ABCC8: variants seen among roughly 807,000 people sequenced by gnomAD.
The protein encoded by ABCC8 is ATP binding cassette subfamily C member 8, also known as ATP-binding cassette sub-family C member 8.
A neutral mutation model predicts 188.0 loss-of-function variants in ABCC8; 137 were observed. The ratio of observed to expected loss-of-function variants is 0.73; its 90% CI spans 0.63 to 0.84. The LOEUF is 0.84. ABCC8 is among the 40% of genes least tolerant of loss of function. The pLI is 0.00. For synonymous variants in ABCC8, 797 were observed against 846.5 expected (o/e 0.94, Z 1.01); for missense variants, 1,750 against 2,072.7 (o/e 0.84, Z 3.02).
Position 17,401,388 on chromosome 11 carries a change from C to T in ABCC8, c.3650+1273G>A, listed in dbSNP as rs530273520. ...GAGCAGCGCCAAGGCCAGGGCAGAG[C>T]TTTGCTCTGCTCTTCTTTACTTAGA... On this transcript the variant is annotated intron_variant, in intron 29 of 38. Coordinates refer to ENST00000389817, the MANE Select transcript of ABCC8 (RefSeq NM_000352.6). Among the ~76,000 whole-genome samples, 4 of 152,308 alleles carry T rather than the reference C, an allele frequency of 2.6e-5. No individual in the cohort carries two copies. In the East Asian group the frequency reaches 7.7e-4, roughly 29 times the overall value.
chr11:17,445,321 G>A (rs1158338573), intron 8 of ABCC8, among the ~76,000 whole-genome samples: 1 of 120,590 alleles, frequency 8.3e-6, no homozygotes, highest in Non-Finnish European at 1.9e-5. Context: ...CCAAGGGCTG[G>A]GGGCGAAGAT....
chr11:17,404,373 C>G lies in ABCC8; in HGVS notation c.3557+139G>C. 1.2e-5 allele frequency: 11 copies of G among 898,024 alleles called. No individual in the cohort carries two copies. The highest frequency in any genetic ancestry group is 2.0e-5 in the Non-Finnish European group (11 of 541,424). 55.6% of individuals were successfully genotyped at this position (898,024 alleles called of 1,614,324 possible). ...GCGGTGGAATAAGATGTGGATATTT[C>G]TATTTCCTTCATTTCTGTTTTTTGT... On this transcript the variant is annotated intron_variant, in intron 28 of 38. Coordinates refer to ENST00000389817, the MANE Select transcript of ABCC8 (RefSeq NM_000352.6). This position sits in a 1 kb window ranked among gnomAD's most constrained non-coding sequence, Gnocchi z 4.7.
intron 10 of ABCC8, among the ~76,000 whole-genome samples, chr11:17,432,516 A>C (rs1955895052): frequency 1.3e-5 from 2 of 152,154 alleles, no homozygotes; most frequent in African/African-American, 4.8e-5. Context: ...GCCCCACGGG[A>C]AAGTGGTGGG....
chr11:17,411,735 C>A (rs1954813652), intron 21 of ABCC8, among the ~76,000 whole-genome samples: 1 of 152,110 alleles, frequency 6.6e-6, no homozygotes, highest in Non-Finnish European at 1.5e-5. Context: ...TGGATTTGAA[C>A]CGGGCTGGGC....
Position 17,463,616 on chromosome 11 carries a change from A to G in ABCC8, c.413-12T>C. 1.9e-6 allele frequency: 3 copies of G among 1,566,186 alleles called. No individual in the cohort carries two copies. The highest frequency in any genetic ancestry group is 2.6e-6 in the Non-Finnish European group (3 of 1,154,968). ...ATACACCAGCAGGGCTGCCGAGGAG[A>G]GATGGAAGATCGCAGAGACGTGTGT... On this transcript the variant is annotated splice_polypyrimidine_tract_variant and intron_variant, in intron 3 of 38. Coordinates refer to ENST00000389817, the MANE Select transcript of ABCC8 (RefSeq NM_000352.6).
chr11:17,438,164 G>T (rs1428430863), intron 10 of ABCC8, among the ~76,000 whole-genome samples: 2 of 152,170 alleles, frequency 1.3e-5, no homozygotes, highest in African/African-American at 2.4e-5. Flanking sequence ...AGGTCTCCAG[G>T]TCATGTTGTT....
Position 17,470,094 on chromosome 11 carries a change from C to T in ABCC8, c.412+7G>A, listed in dbSNP as rs902557011. On this transcript the variant is annotated splice_region_variant and intron_variant, in intron 3 of 38. Transcript: ENST00000389817. ...GGTACTGCCCCTCCCTCCTACACCT[C>T]ACCTACCAATTAGCAGCTTGGGGAA... 16 of 1,614,014 alleles carry T rather than the reference C, an allele frequency of 9.9e-6. No homozygotes were observed. Among genetic ancestry groups the T allele is most frequent in the Non-Finnish European group, 1.2e-5 (14 of 1,180,018 alleles).
rs1057517050 is a variant in ABCC8 at position 17,396,914 on chromosome 11, AC to A, written c.4119+1del. 9 of 1,613,892 alleles carry A rather than the reference AC, an allele frequency of 5.6e-6. No individual in the cohort carries two copies. The highest frequency in any genetic ancestry group is 7.6e-6 in the Non-Finnish European group (9 of 1,180,002). On this transcript the variant is annotated splice_donor_variant, in intron 33 of 38. Coordinates refer to ENST00000389817, the MANE Select transcript of ABCC8 (RefSeq NM_000352.6). LOFTEE classifies it high-confidence loss of function. ...AGCATTGGGTTGGGCCCGTGCTCTG[AC>A]CTTCTGTCCAGGGGCGATGAGGGCA...
Position 17,412,692 on chromosome 11 carries a change from A to G in ABCC8, c.2530T>C (p.Tyr844His). The change falls in exon 21 of 39, where the codon TAC becomes CAC. Residue 844 changes from tyrosine to histidine, a missense_variant. Physicochemically the swap from Tyr to His is moderately conservative, Grantham distance 83 (BLOSUM62 2). Transcript: ENST00000389817. ...RQRISVARAL[Y>H]QHANVVFLDD... ...AAGAAGACAACGTTGGCGTGCTGGT[A>G]GAGGGCTCGGGCCACACTGATTCGC... 6.2e-7 allele frequency: 1 copy of G among 1,612,272 alleles called. No homozygotes were observed. The highest frequency in any genetic ancestry group is 8.5e-7 in the Non-Finnish European group (1 of 1,179,150).
intron 10 of ABCC8, among the ~76,000 whole-genome samples, chr11:17,439,082 T>C (rs1956214477): frequency 6.6e-6 from 1 of 152,164 alleles, no homozygotes; most frequent in Non-Finnish European, 1.5e-5. Context: ...TTCCCTTCCC[T>C]CCTTCCTGGT....
In ABCC8 at chr11:17,404,665, A is replaced by G. The variant is rs1293731118; in HGVS notation, c.3404T>C (p.Ile1135Thr). 1.2e-6 allele frequency: 2 copies of G among 1,608,338 alleles called. No homozygotes were observed. Among genetic ancestry groups the G allele is most frequent in the Non-Finnish European group, 1.7e-6 (2 of 1,177,668 alleles). ...GCTCAGGCACTCCAGCGTGGATGGG[A>G]TGTGCTGAGGGAGACGAGGGGGAGA... ...SSDCNTIDQHIPSTLECLSRS... is the reference protein window; with the variant it reads ...SSDCNTIDQHTPSTLECLSRS... The change falls in exon 28 of 39, where the codon ATC becomes ACC. Residue 1135 changes from isoleucine (I) to threonine (T), a missense_variant. Coordinates refer to ENST00000389817, the MANE Select transcript of ABCC8 (RefSeq NM_000352.6). The surrounding 1 kb of genome is among the most constrained non-coding windows in gnomAD (Gnocchi z 4.7).
chr11:17,415,561 G>C (rs1167333348), intron 17 of ABCC8, among the ~76,000 whole-genome samples: 1 of 152,204 alleles, frequency 6.6e-6, no homozygotes, highest in Non-Finnish European at 1.5e-5. Context: ...GAGGGCCCTG[G>C]AGGACCCAGT....
rs888030175 is a variant in ABCC8 at position 17,392,885 on chromosome 11, T to C, written c.*106A>G. 7.1e-7 allele frequency: 1 copy of C among 1,401,702 alleles called. No individual in the cohort carries two copies. Among genetic ancestry groups the C allele is most frequent in the Non-Finnish European group, 1.0e-6 (1 of 999,766 alleles). The allele number at this position is 1,401,702 out of a possible 1,614,324, so 86.8% of individuals were successfully genotyped here. On this transcript the variant is annotated 3_prime_UTR_variant, in exon 39 of 39. Coordinates refer to ENST00000389817, the MANE Select transcript of ABCC8 (RefSeq NM_000352.6). ...TGCCCACCAGACTTAGGGCCTCTAG[T>C]AGGAAATAATCAAATCTATTTATTT...
chr11:17,432,054 C>G, intron 11 of ABCC8, 150 bp downstream of exon 11: 1 of 1,113,830 alleles, frequency 9.0e-7, no homozygotes, highest in Non-Finnish European at 1.3e-6. Flanking sequence ...GGGCCACACC[C>G]TCTATAAACT....
intron 34 of ABCC8, 64 bp downstream of exon 34, chr11:17,395,788 T>A: frequency 6.4e-7 from 1 of 1,553,528 alleles, no homozygotes; most frequent in Admixed American, 2.0e-5. Flanking sequence ...TCTGACCACG[T>A]GCCAGGGCTG....
chr11:17,395,760 G>A, intron 34 of ABCC8, 42 bp from the exon 35 acceptor site: 1 of 1,552,484 alleles, frequency 6.4e-7, no homozygotes, highest in Non-Finnish European at 8.7e-7. Context: ...GGCGGTGACT[G>A]CTGGGCCTCC....
At chr11:17,447,176 T>C (rs1956568265) in intron 8 of ABCC8, among the ~76,000 whole-genome samples, 1 of 152,208 alleles carries the variant, frequency 6.6e-6, no homozygotes, top group Non-Finnish European at 1.5e-5. Context: ...GGTGGAACCT[T>C]CCCGCCCTCT....
chr11:17,409,119 ATT>A (rs34715760), intron 22 of ABCC8, among the ~76,000 whole-genome samples: 4,450 of 141,320 alleles, frequency 0.031, 95 homozygotes, highest in Admixed American at 0.083. Context: ...TACCTGGCTA[ATT>A]TTTTTTTTTT....
At chr11:17,403,031 C>T (rs535727055) in intron 28 of ABCC8, among the ~76,000 whole-genome samples, 1 of 152,208 alleles carries the variant, frequency 6.6e-6, no homozygotes, top group Non-Finnish European at 1.5e-5. Flanking sequence ...GCCATCTGTC[C>T]CTGTACTTCT....
Sources: gnomAD v4.1 joint callset for allele counts (sites outside exome capture counted in the v4.1 genomes callset) on GRCh38, gnomAD v4.1.1 for gene constraint, Gnocchi (gnomAD v3.1) non-coding constraint, MANE v1.5 for transcripts, NCBI Gene and HGNC (gene_info 2026-07-23, HGNC 2026-07-21) for gene names.